Variants in EXOC4 observed in about 807,000 individuals in gnomAD.
The protein encoded by EXOC4 is SEC8-like 1.
Under a neutral mutation model 107.2 loss-of-function variants are expected in EXOC4, and 71 were observed. The observed-to-expected ratio is 0.66, with a 90% CI of 0.55 to 0.81. EXOC4 has a LOEUF of 0.81. EXOC4 is among the 30% of genes least tolerant of loss of function. EXOC4 has a pLI of 0.00. For synonymous variants in EXOC4, 456 were observed against 441.2 expected (o/e 1.03, Z -0.42); for missense variants, 1,108 against 1,189.6 (o/e 0.93, Z 1.01).
intron 12 of EXOC4, among the ~76,000 whole-genome samples, chr7:133,907,388 G>C (rs1266304303): frequency 1.3e-5 from 2 of 151,748 alleles, no homozygotes; most frequent in African/African-American, 4.9e-5. Context: ...AAAAAATATT[G>C]TTTTTCAATT....
chr7:133,866,760 ATTAC>A, intron 11 of EXOC4, among the ~76,000 whole-genome samples: 1 of 152,360 alleles, frequency 6.6e-6, no homozygotes, highest in East Asian at 1.9e-4. Flanking sequence ...AAAAATAAAA[ATTAC>A]TTATATATAA....
chr7:133,541,349 A>G (rs965396449), intron 9 of EXOC4, among the ~76,000 whole-genome samples: 3 of 152,172 alleles, frequency 2.0e-5, no homozygotes, highest in African/African-American at 7.2e-5. Context: ...CTGTGGTTAG[A>G]ATCTCCCTGA....
At chr7:133,420,335 A>G (rs920704901) in intron 7 of EXOC4, among the ~76,000 whole-genome samples, 2 of 151,380 alleles carry the variant, frequency 1.3e-5, no homozygotes, top group East Asian at 3.9e-4. Flanking sequence ...ATTCCATGGT[A>G]TATATGTGCC....
At chr7:133,830,504 A>C (rs577177094) in intron 11 of EXOC4, among the ~76,000 whole-genome samples, 4 of 152,258 alleles carry the variant, frequency 2.6e-5, no homozygotes. Flanking sequence ...AAAATTGCCA[A>C]CAGCTATGTT....
intron 9 of EXOC4, among the ~76,000 whole-genome samples, chr7:133,592,664 A>G (rs775644369): frequency 1.3e-5 from 2 of 152,042 alleles, no homozygotes; most frequent in Non-Finnish European, 2.9e-5. Context: ...GTGTAGTGGC[A>G]TGATCTCAGC....
intron 7 of EXOC4, among the ~76,000 whole-genome samples, chr7:133,405,223 T>G (rs1342996561): frequency 1.3e-5 from 2 of 152,152 alleles, no homozygotes; most frequent in Admixed American, 6.5e-5. Context: ...TAATGATGTA[T>G]GTAGAGCAAA....
chr7:133,362,726 A>T (rs537426523), intron 6 of EXOC4, among the ~76,000 whole-genome samples: 1 of 152,250 alleles, frequency 6.6e-6, no homozygotes, highest in South Asian at 2.1e-4. Flanking sequence ...TACAATGTTT[A>T]TGGAAGGAGA....
chr7:133,544,297 AT>A (rs898482185), intron 9 of EXOC4, among the ~76,000 whole-genome samples: 3 of 152,028 alleles, frequency 2.0e-5, no homozygotes, highest in Non-Finnish European at 4.4e-5. Flanking sequence ...TAATGTCTTC[AT>A]TGTTTTATCT....
rs1271324805 is a variant in EXOC4, at chr7:133,832,838, G to A, written c.1734+15294G>A. 2.6e-5 allele frequency among the ~76,000 whole-genome samples: 4 copies of A among 152,250 alleles called. No individual in the cohort carries two copies. The East Asian group carries it at 7.7e-4, about 29-fold the overall frequency. ...TTATGTATTGAAATTGTAGGGGTCA[G>A]TGGGCTTGTGGTGGTGGTAGGGGCA... is the stretch of plus-strand genomic sequence containing the variant. On this transcript the variant is annotated intron_variant, in intron 11 of 17. Transcript: ENST00000253861.
rs78425591 is a variant in EXOC4 at position 133,476,069 on chromosome 7, G to A, written c.1328+596G>A. Among the ~76,000 whole-genome samples, 343 of 152,178 alleles carry A rather than the reference G, an allele frequency of 2.3e-3. 2 individuals carry two copies. Among genetic ancestry groups the A allele is most frequent in the Non-Finnish European group, 3.4e-3 (230 of 68,000 alleles). Reference sequence around the variant, plus strand: ...TGATTAAGTGTTTCCTAGGTATCAGGCACTGTACTGGGTGAGTTTCCCAAA... The same window carrying A: ...TGATTAAGTGTTTCCTAGGTATCAGACACTGTACTGGGTGAGTTTCCCAAA... On this transcript the variant is annotated intron_variant, in intron 8 of 17. Coordinates refer to ENST00000253861, the MANE Select transcript of EXOC4 (RefSeq NM_021807.4).
chr7:133,693,773 G>C (rs551911187), intron 10 of EXOC4, among the ~76,000 whole-genome samples: 92 of 152,308 alleles, frequency 6.0e-4, no homozygotes, highest in Non-Finnish European at 1.1e-3. Flanking sequence ...TGTAAGGAAA[G>C]TGTCTTTTCT....
intron 14 of EXOC4, among the ~76,000 whole-genome samples, chr7:133,947,843 T>G (rs1332993159): frequency 1.3e-5 from 2 of 152,168 alleles, no homozygotes; most frequent in African/African-American, 2.4e-5. Flanking sequence ...GATGCTTAAG[T>G]GTGGTGGCTG....
intron 13 of EXOC4, among the ~76,000 whole-genome samples, chr7:133,937,008 G>A (rs562061092): frequency 7.9e-5 from 12 of 152,164 alleles, no homozygotes; most frequent in Non-Finnish European, 1.5e-4. Flanking sequence ...TAAAAGGAAA[G>A]AGAGCTGTGG....
intron 7 of EXOC4, among the ~76,000 whole-genome samples, chr7:133,469,188 C>T (rs1798809305): frequency 6.6e-6 from 1 of 152,090 alleles, no homozygotes; most frequent in Non-Finnish European, 1.5e-5. Flanking sequence ...GAGGCTGAGG[C>T]AGGTGGATCA....
chr7:133,631,010 T>C (rs948662005), intron 10 of EXOC4, among the ~76,000 whole-genome samples: 4 of 152,208 alleles, frequency 2.6e-5, no homozygotes, highest in Admixed American at 1.3e-4. Flanking sequence ...CATGTGCGCA[T>C]AGTTAACACT....
intron 6 of EXOC4, among the ~76,000 whole-genome samples, chr7:133,371,045 C>T (rs1461634890): frequency 6.6e-6 from 1 of 152,106 alleles, no homozygotes; most frequent in Non-Finnish European, 1.5e-5. Context: ...AAGAAAAAAC[C>T]AAGTGAACTA....
At chr7:133,776,504 C>A (rs1419528298) in intron 10 of EXOC4, among the ~76,000 whole-genome samples, 1 of 152,130 alleles carries the variant, frequency 6.6e-6, no homozygotes, top group South Asian at 2.1e-4. Flanking sequence ...GCTAATTTAC[C>A]TTCTTGTGAA....
intron 5 of EXOC4, among the ~76,000 whole-genome samples, chr7:133,326,760 C>T (rs1022687266): frequency 6.6e-6 from 1 of 152,206 alleles, no homozygotes; most frequent in Non-Finnish European, 1.5e-5. Flanking sequence ...TTTAAGTCTG[C>T]AGAGGTTTCT....
intron 6 of EXOC4, among the ~76,000 whole-genome samples, chr7:133,369,958 T>A (rs6950324): frequency 2.0e-5 from 3 of 151,698 alleles, no homozygotes; most frequent in African/African-American, 7.3e-5. Context: ...GCATGCACCA[T>A]GACGCCCAGC....
Sources: gnomAD v4.1 joint callset for allele counts (sites outside exome capture counted in the v4.1 genomes callset) on GRCh38, gnomAD v4.1.1 for gene constraint, MANE v1.5 for transcripts, NCBI Gene and HGNC (gene_info 2026-07-23, HGNC 2026-07-21) for gene names.